Variants in ROBO2 observed in about 807,000 individuals in gnomAD.
The protein encoded by ROBO2 is roundabout guidance receptor 2.
ROBO2 carries 53 observed loss-of-function variants against 160.8 expected under a neutral mutation model. That is an observed-to-expected ratio of 0.33 (90% CI 0.26 to 0.41). ROBO2 has a LOEUF of 0.41. Among genes scored for constraint, ROBO2 ranks in the 10% least tolerant of loss-of-function variants. The pLI, the probability that ROBO2 is intolerant of heterozygous loss-of-function variation, is 1.00. For synonymous variants in ROBO2, 664 were observed against 611.7 expected, an observed-to-expected ratio of 1.09 and a Z score of -1.26; for missense variants, 1,577 against 1,722.4, an observed-to-expected ratio of 0.92 and a Z score of 1.49.
intron 2 of ROBO2, among the ~76,000 whole-genome samples, chr3:76,808,037 G>A (rs540176880): frequency 6.6e-6 from 1 of 152,060 alleles, no homozygotes; most frequent in South Asian, 2.1e-4. Flanking sequence ...ACGATGTTAA[G>A]AGAAAATATA....
At chr3:77,187,891 G>A (rs2081424771) in intron 2 of ROBO2, among the ~76,000 whole-genome samples, 1 of 151,870 alleles carries the variant, frequency 6.6e-6, no homozygotes, top group Admixed American at 6.6e-5. Context: ...TTAAAACTCA[G>A]TAAGGGATGA....
chr3:75,960,773 A>C (rs1415683871), intron 2 of ROBO2, among the ~76,000 whole-genome samples: 1 of 151,764 alleles, frequency 6.6e-6, no homozygotes, highest in Non-Finnish European at 1.5e-5. Context: ...AAGTCACCTG[A>C]CACTTTATGC....
chr3:76,054,349 T>C (rs2067761329), intron 2 of ROBO2, among the ~76,000 whole-genome samples: 1 of 152,166 alleles, frequency 6.6e-6, no homozygotes, highest in Non-Finnish European at 1.5e-5. Context: ...GAAAATCTAC[T>C]TACTGACATG....
chr3:77,632,767 T>A, intron 23 of ROBO2: 1 of 962,296 alleles, frequency 1.0e-6, no homozygotes, highest in Non-Finnish European at 1.5e-6. Flanking sequence ...GGGCTTTCTT[T>A]AATACGCATG....
At chr3:76,070,509 C>T (rs558493066) in intron 2 of ROBO2, among the ~76,000 whole-genome samples, 6 of 152,174 alleles carry the variant, frequency 3.9e-5, no homozygotes, top group East Asian at 1.9e-4. Flanking sequence ...CAATGGTGCC[C>T]GAAACTTCAT....
At chr3:75,912,585 T>C (rs1357824830) in intron 1 of ROBO2, among the ~76,000 whole-genome samples, 1 of 152,204 alleles carries the variant, frequency 6.6e-6, no homozygotes, top group Non-Finnish European at 1.5e-5. Flanking sequence ...AATTTAATTT[T>C]AGATGTAAAT....
chr3:76,118,602 C>G (rs1382067601), intron 2 of ROBO2, among the ~76,000 whole-genome samples: 2 of 152,102 alleles, frequency 1.3e-5, no homozygotes, highest in African/African-American at 4.8e-5. Flanking sequence ...TTGGATCGCA[C>G]TTGGCTCAGA....
At chr3:76,409,854 T>C (rs2075397306) in intron 2 of ROBO2, among the ~76,000 whole-genome samples, 1 of 152,162 alleles carries the variant, frequency 6.6e-6, no homozygotes, top group South Asian at 2.1e-4. Flanking sequence ...TATTACTTTT[T>C]AAATTCTTGG....
chr3:77,617,531 G>T (rs1355224274), exon 22 of ROBO2: 2 of 1,613,960 alleles, frequency 1.2e-6, no homozygotes, highest in Non-Finnish European at 1.7e-6. Flanking sequence ...GTGATAGCTG[G>T]TGCCCACCAT....
chr3:76,389,585 A>G (rs1236613830), intron 2 of ROBO2, among the ~76,000 whole-genome samples: 1 of 152,214 alleles, frequency 6.6e-6, no homozygotes, highest in Non-Finnish European at 1.5e-5. Flanking sequence ...GTACTGATAA[A>G]TCTTAAATTC....
In ROBO2 at chr3:76,989,669, T is replaced by A. The variant is rs4271950; in HGVS notation, c.110-108345T>A. Among the ~76,000 whole-genome samples, 908 of 152,254 alleles carry A rather than the reference T, an allele frequency of 6.0e-3. 12 individuals are homozygous for A. Among genetic ancestry groups the A allele is most frequent in the African/African-American group, 0.021 (866 of 41,550 alleles). On this transcript the variant is annotated intron_variant, in intron 2 of 26. Transcript: ENST00000487694. Reference sequence around the variant, plus strand: ...TGTTTGGAGAAGGTTTTCTCCTATGTGCTCTAATTTTTCACCCTATTACAT... The same window carrying A: ...TGTTTGGAGAAGGTTTTCTCCTATGAGCTCTAATTTTTCACCCTATTACAT...
intron 2 of ROBO2, among the ~76,000 whole-genome samples, chr3:76,824,008 C>A (rs184587594): frequency 6.6e-6 from 1 of 152,234 alleles, no homozygotes; most frequent in Admixed American, 6.5e-5. Context: ...GTTTGTATGG[C>A]AGCTCTGTTC....
intron 2 of ROBO2, among the ~76,000 whole-genome samples, chr3:76,873,960 G>T (rs1212915076): frequency 6.6e-6 from 1 of 152,060 alleles, no homozygotes; most frequent in South Asian, 2.1e-4. Context: ...AATAGAAAAT[G>T]GCACTAGCCA....
chr3:77,151,598 A>G (rs1320804546), intron 2 of ROBO2, among the ~76,000 whole-genome samples: 1 of 152,156 alleles, frequency 6.6e-6, no homozygotes, highest in Non-Finnish European at 1.5e-5. Context: ...ACAGACTACA[A>G]CTTGATTTGC....
At chr3:76,936,696 A>G (rs2077723394) in intron 2 of ROBO2, among the ~76,000 whole-genome samples, 1 of 133,550 alleles carries the variant, frequency 7.5e-6, no homozygotes, top group Non-Finnish European at 1.7e-5. Flanking sequence ...TCATTCTTAT[A>G]ACACTGATTG....
chr3:76,995,765 G>A (rs1241234457), intron 2 of ROBO2, among the ~76,000 whole-genome samples: 1 of 152,158 alleles, frequency 6.6e-6, no homozygotes, highest in Non-Finnish European at 1.5e-5. Context: ...AGAAGTGTCT[G>A]TTCATATCGT....
intron 2 of ROBO2, among the ~76,000 whole-genome samples, chr3:77,187,237 C>G (rs767838253): frequency 3.3e-4 from 50 of 152,052 alleles, no homozygotes; most frequent in Non-Finnish European, 5.7e-4. Context: ...GCTAACTTAT[C>G]TATCTAGATT....
intron 1 of ROBO2, among the ~76,000 whole-genome samples, chr3:75,907,296 T>C (rs2106683904): frequency 6.6e-6 from 1 of 152,296 alleles, no homozygotes; most frequent in South Asian, 2.1e-4. Context: ...TTCCTTTTGC[T>C]TGCCTCATGC....
At chr3:77,000,201 C>T (rs780306124) in intron 2 of ROBO2, among the ~76,000 whole-genome samples, 4 of 152,172 alleles carry the variant, frequency 2.6e-5, no homozygotes, top group African/African-American at 7.2e-5. Flanking sequence ...GAAGTTATTT[C>T]GCTCATGTGC....
Sources: allele counts gnomAD v4.1 joint callset (sites outside exome capture counted in the v4.1 genomes callset), GRCh38; gene constraint gnomAD v4.1.1; transcripts MANE v1.5; gene names NCBI Gene and HGNC (gene_info 2026-07-23, HGNC 2026-07-21).